Variants in FCER1A observed in about 807,000 individuals in gnomAD.
The protein encoded by FCER1A is Fc epsilon receptor Ia, also known as high affinity immunoglobulin epsilon receptor subunit alpha.
A neutral mutation model predicts 23.6 loss-of-function variants in FCER1A; 24 were observed. The observed-to-expected ratio is 1.02, with a 90% CI of 0.74 to 1.43. The LOEUF is 1.43. Among genes scored for constraint, FCER1A ranks in the 40% most tolerant of loss-of-function variants. The probability of loss-of-function intolerance (pLI) is 0.00; values close to 1 mark genes in which losing one functional copy is unlikely to be tolerated. For missense variants in FCER1A, 318 were observed against 294.5 expected, an observed-to-expected ratio of 1.08 and a Z score of -0.58; for synonymous variants, 121 against 108.8, an observed-to-expected ratio of 1.11 and a Z score of -0.70.
upstream of FCER1A, among the ~76,000 whole-genome samples, chr1:159,300,913 T>G (rs1652413556): frequency 6.6e-6 from 1 of 152,130 alleles, no homozygotes; most frequent in Non-Finnish European, 1.5e-5. Flanking sequence ...CACAAACAAC[T>G]TGTACTTTTC....
At chr1:159,300,955 C>G (rs376906174), upstream of FCER1A, among the ~76,000 whole-genome samples, 2 of 152,176 alleles carry the variant, frequency 1.3e-5, no homozygotes, top group South Asian at 2.1e-4. Context: ...TAAGGTCTGT[C>G]ATTAAAACAT....
At chr1:159,287,046 T>G (rs2102211424), upstream of FCER1A, among the ~76,000 whole-genome samples, 1 of 152,292 alleles carries the variant, frequency 6.6e-6, no homozygotes, top group East Asian at 1.9e-4. Context: ...GATGCACAAT[T>G]GAAAAATCTA....
chr1:159,308,022 T>C lies in FCER1A; in HGVS notation c.*90T>C. ...TGTCAAACACAGCTTGCAATATACATAGAAACGTCTGTGCTCAAGGATTTA... is the reference window on the plus strand; with the variant it reads ...TGTCAAACACAGCTTGCAATATACACAGAAACGTCTGTGCTCAAGGATTTA... On this transcript the variant is annotated 3_prime_UTR_variant, in exon 5 of 5. Coordinates refer to ENST00000693622, the MANE Select transcript of FCER1A (RefSeq NM_001387280.1). 1 of 888,980 alleles carries C rather than the reference T, an allele frequency of 1.1e-6. No individual in the cohort carries two copies. Among genetic ancestry groups the C allele is most frequent in the Admixed American group, 2.6e-5 (1 of 39,154 alleles). 55.1% of individuals were successfully genotyped at this position (888,980 alleles called of 1,614,324 possible). A position where few individuals can be genotyped will look rare whatever the true frequency, so the allele number is the denominator to read the frequency against.
chr1:159,301,121 T>A (rs1433542333), upstream of FCER1A, among the ~76,000 whole-genome samples: 3 of 152,324 alleles, frequency 2.0e-5, no homozygotes, highest in Non-Finnish European at 4.4e-5. Flanking sequence ...TAGACTTAAT[T>A]CAGCAGTCTG....
chr1:159,293,266 A>C (rs530056579), intron 1 of FCER1A, among the ~76,000 whole-genome samples: 130 of 150,264 alleles, frequency 8.7e-4, no homozygotes, highest in African/African-American at 3.1e-3. Context: ...AAATCCCAAC[A>C]CTTTTTCATG....
chr1:159,305,979 G>A lies in FCER1A; in HGVS notation c.332-9G>A, dbSNP rs780549012. The A allele has an allele frequency of 1.2e-6, 2 of 1,612,400 alleles. No individual in the cohort carries two copies. The highest frequency in any genetic ancestry group is 2.2e-5 in the East Asian group (1 of 44,848). Reference sequence around the variant, plus strand: ...TTGTTAAATAAATAATGTAATGAATGTTCTTCAGACTGGCTGCTCCTTCAG... The same window carrying A: ...TTGTTAAATAAATAATGTAATGAATATTCTTCAGACTGGCTGCTCCTTCAG... On this transcript the variant is annotated splice_polypyrimidine_tract_variant and intron_variant, in intron 3 of 4. Coordinates refer to ENST00000693622, the MANE Select transcript of FCER1A (RefSeq NM_001387280.1).
At chr1:159,291,460 G>C (rs1652151536) in intron 1 of FCER1A, among the ~76,000 whole-genome samples, 1 of 152,034 alleles carries the variant, frequency 6.6e-6, no homozygotes, top group African/African-American at 2.4e-5. Context: ...GTTAGTTTTA[G>C]TTATTTTTGC....
chr1:159,289,422 C>G (rs567268069), upstream of FCER1A, among the ~76,000 whole-genome samples: 1 of 152,318 alleles, frequency 6.6e-6, no homozygotes, highest in East Asian at 1.9e-4. Flanking sequence ...GACCTTAGCA[C>G]ACTTGTAGTA....
chr1:159,295,579 A>G (rs1044973174), intron 1 of FCER1A, among the ~76,000 whole-genome samples: 2 of 152,166 alleles, frequency 1.3e-5, no homozygotes, highest in African/African-American at 2.4e-5. Flanking sequence ...CACTGAATCT[A>G]TTTCTAATAT....
chr1:159,307,636 A>G, intron 4 of FCER1A, 112 bp from the exon 5 acceptor site: 1 of 766,794 alleles, frequency 1.3e-6, no homozygotes, highest in Non-Finnish European at 2.1e-6. Context: ...ACATCACGCT[A>G]AAAATGAAGG....
At chr1:159,305,217 G>A (rs1455319944) in intron 3 of FCER1A, among the ~76,000 whole-genome samples, 1 of 152,196 alleles carries the variant, frequency 6.6e-6, no homozygotes, top group Non-Finnish European at 1.5e-5. Context: ...TTCTAGAGAA[G>A]TCCTAAAGGA....
intron 1 of FCER1A, among the ~76,000 whole-genome samples, chr1:159,289,959 A>C (rs1470210407): frequency 6.6e-6 from 1 of 152,204 alleles, no homozygotes; most frequent in Non-Finnish European, 1.5e-5. Flanking sequence ...AGTGGAGGTC[A>C]GATTGTGGTA....
upstream of FCER1A, among the ~76,000 whole-genome samples, chr1:159,286,574 C>T (rs1048843443): frequency 1.4e-4 from 22 of 152,140 alleles, no homozygotes; most frequent in African/African-American, 5.3e-4. Flanking sequence ...CCTTGTGATC[C>T]GCCCGCCTTG....
chr1:159,307,215 C>A (rs189379173), intron 4 of FCER1A, among the ~76,000 whole-genome samples: 26 of 152,236 alleles, frequency 1.7e-4, no homozygotes, highest in Non-Finnish European at 3.5e-4. Context: ...TAAATGATTT[C>A]TGGATGTAAT....
At chr1:159,291,143 A>G (rs1479124306) in intron 1 of FCER1A, among the ~76,000 whole-genome samples, 1 of 152,176 alleles carries the variant, frequency 6.6e-6, no homozygotes, top group Non-Finnish European at 1.5e-5. Context: ...ATGGCAAGGA[A>G]TAGAATATTC....
chr1:159,286,212 AAAT>A (rs1652012028), upstream of FCER1A, among the ~76,000 whole-genome samples: 1 of 151,950 alleles, frequency 6.6e-6, no homozygotes, highest in Non-Finnish European at 1.5e-5. Context: ...ATAAATAAAT[AAAT>A]AAAATTTAAA....
intron 1 of FCER1A, among the ~76,000 whole-genome samples, chr1:159,290,126 C>T (rs368203045): frequency 6.6e-6 from 1 of 152,146 alleles, no homozygotes; most frequent in East Asian, 1.9e-4. Flanking sequence ...AAAGAATGAC[C>T]TATTAACTTA....
the FCER1A span, among the ~76,000 whole-genome samples, chr1:159,284,422 A>G: frequency 2.0e-5 from 3 of 152,184 alleles, no homozygotes; most frequent in African/African-American, 7.2e-5. Flanking sequence ...TTCTCCATTC[A>G]TACAGTCTCT....
chr1:159,296,810 C>T (rs1652303371), intron 1 of FCER1A, among the ~76,000 whole-genome samples: 1 of 152,142 alleles, frequency 6.6e-6, no homozygotes, highest in African/African-American at 2.4e-5. Context: ...CATAAACTTA[C>T]ATTTCCTAAA....
Sources: allele counts gnomAD v4.1 joint callset (sites outside exome capture counted in the v4.1 genomes callset), GRCh38; gene constraint gnomAD v4.1.1; transcripts MANE v1.5; gene names NCBI Gene and HGNC (gene_info 2026-07-23, HGNC 2026-07-21).